DACH2: variants seen among roughly 807,000 people sequenced by gnomAD.
DACH2 encodes the protein dachshund family transcription factor 2.
In DACH2, 17 loss-of-function variants were observed where a neutral mutation model predicts 35.8. The ratio of observed to expected loss-of-function variants is 0.48; its 90% CI spans 0.33 to 0.71. The LOEUF is 0.71. Ranked by LOEUF, DACH2 falls within the 30% of genes least tolerant of loss-of-function variation. The pLI, the probability that DACH2 is intolerant of heterozygous loss-of-function variation, is 0.02. For synonymous variants in DACH2, 195 were observed against 177.3 expected (o/e 1.10, Z -0.79); for missense variants, 469 against 472.7 (o/e 0.99, Z 0.07).
intron 6 of DACH2, among the ~76,000 whole-genome samples, chrX:86,724,308 ATG>A (rs2041441101): frequency 1.4e-5 from 1 of 72,111 alleles, no homozygotes; most frequent in Non-Finnish European, 2.9e-5. Flanking sequence ...ATACTTCCAC[ATG>A]TTTTCGTGAT....
At chrX:86,163,843 T>C (rs771830658) in intron 1 of DACH2, among the ~76,000 whole-genome samples, 1 of 111,606 alleles carries the variant, frequency 9.0e-6, no homozygotes, top group East Asian at 2.8e-4. Flanking sequence ...GGCATGTATG[T>C]TGATTCTATG....
At chrX:86,283,428 T>C (rs939634471) in intron 1 of DACH2, among the ~76,000 whole-genome samples, 2 of 111,147 alleles carry the variant, frequency 1.8e-5, no homozygotes, top group African/African-American at 6.6e-5. Context: ...CAAATGCACA[T>C]GTATGTTTAT....
chrX:86,455,583 G>A (rs768999365), intron 2 of DACH2, among the ~76,000 whole-genome samples: 6 of 112,526 alleles, frequency 5.3e-5, no homozygotes, highest in South Asian at 3.7e-4. Flanking sequence ...AAGCAGCTGC[G>A]CTGCATTGTG....
chrX:86,527,281 A>G (rs1273525791), intron 3 of DACH2, among the ~76,000 whole-genome samples: 1 of 111,852 alleles, frequency 8.9e-6, no homozygotes, highest in Non-Finnish European at 1.9e-5. Flanking sequence ...TTGCTCACCT[A>G]TGAAACCATC....
intron 1 of DACH2, among the ~76,000 whole-genome samples, chrX:86,193,570 A>C (rs958032922): frequency 8.9e-6 from 1 of 112,018 alleles, no homozygotes; most frequent in Non-Finnish European, 1.9e-5. Flanking sequence ...CATAACTGAA[A>C]GCTAGTGTTT....
At chrX:86,698,322 T>G (rs1379298283) in intron 5 of DACH2, among the ~76,000 whole-genome samples, 1 of 108,707 alleles carries the variant, frequency 9.2e-6, no homozygotes, top group Non-Finnish European at 1.9e-5. Flanking sequence ...ATAAAAACTT[T>G]CTCAAACAAA....
At chrX:86,648,381 C>T (rs1364333393) in intron 3 of DACH2, among the ~76,000 whole-genome samples, 1 of 110,947 alleles carries the variant, frequency 9.0e-6, no homozygotes, top group African/African-American at 3.3e-5. Context: ...TTTTATGTAT[C>T]ATTCCAGACC....
chrX:86,294,495 T>G (rs1289124766), intron 1 of DACH2, among the ~76,000 whole-genome samples: 12 of 109,206 alleles, frequency 1.1e-4, no homozygotes, highest in Non-Finnish European at 1.5e-4. Context: ...AGGAGGAGAG[T>G]CGCTCTGCTT....
At chrX:86,335,365 C>T (rs1056701080) in intron 1 of DACH2, among the ~76,000 whole-genome samples, 3 of 111,911 alleles carry the variant, frequency 2.7e-5, no homozygotes, top group Non-Finnish European at 5.6e-5. Context: ...TTTCACAATA[C>T]TGATTCTTCC....
chrX:86,297,069 A>G (rs5968869), intron 1 of DACH2, among the ~76,000 whole-genome samples: 2,071 of 98,876 alleles, frequency 0.021, 60 homozygotes, highest in African/African-American at 0.061. Context: ...ATATATATAT[A>G]TAATTAGAGC....
chrX:86,667,373 G>A (rs147439070), intron 4 of DACH2, among the ~76,000 whole-genome samples: 9,697 of 83,993 alleles, frequency 0.12, 619 homozygotes, highest in East Asian at 0.31. Flanking sequence ...GGGAAGGGAG[G>A]GAGGAAGGAA....
At chrX:86,702,277 A>G (rs1420598390) in intron 5 of DACH2, among the ~76,000 whole-genome samples, 1 of 111,234 alleles carries the variant, frequency 9.0e-6, no homozygotes, top group African/African-American at 3.3e-5. Context: ...AAAGAAAAAT[A>G]GTGTCAAGAG....
At chrX:86,750,679 A>G (rs970577410) in intron 7 of DACH2, among the ~76,000 whole-genome samples, 2 of 112,110 alleles carry the variant, frequency 1.8e-5, no homozygotes, top group Non-Finnish European at 3.8e-5. Flanking sequence ...TATATGTGGA[A>G]TCATGCAGTG....
chrX:86,201,466 C>T (rs1054087284), intron 1 of DACH2, among the ~76,000 whole-genome samples: 4 of 111,211 alleles, frequency 3.6e-5, no homozygotes, highest in Non-Finnish European at 7.6e-5. Context: ...TGATAAATGT[C>T]ATTTTATGCA....
At chrX:86,398,006 A>T (rs944579883) in intron 2 of DACH2, among the ~76,000 whole-genome samples, 1 of 111,784 alleles carries the variant, frequency 8.9e-6, no homozygotes, top group African/African-American at 3.3e-5. Context: ...TTCGGCTGTG[A>T]ATCCATCTGG....
intron 1 of DACH2, among the ~76,000 whole-genome samples, chrX:86,177,295 G>A (rs780479301): frequency 8.1e-5 from 9 of 111,709 alleles, no homozygotes; most frequent in Non-Finnish European, 1.5e-4. Flanking sequence ...GCTTCATAAT[G>A]CATTCAAAGT....
intron 7 of DACH2, among the ~76,000 whole-genome samples, chrX:86,753,766 A>C (rs1290786396): frequency 9.0e-6 from 1 of 111,061 alleles, no homozygotes; most frequent in Non-Finnish European, 1.9e-5. Flanking sequence ...TTTTCTTCAG[A>C]GTAAAGTTGT....
intron 3 of DACH2, among the ~76,000 whole-genome samples, chrX:86,539,021 G>A (rs1402723576): frequency 9.0e-6 from 1 of 110,940 alleles, no homozygotes; most frequent in East Asian, 2.9e-4. Context: ...TATAATGAGT[G>A]CAAAATGGAG....
Position 86,228,458 on chromosome X carries a change from A to G in DACH2, c.488+79350A>G, listed in dbSNP as rs182028741. ...TTTCCTCTGGGTAAAGAGGAAAAAA[A>G]AAAAAGAAAAAAGAAAACCCAGTAG... On this transcript the variant is annotated intron_variant, in intron 1 of 11. Transcript: ENST00000373125. Among the ~76,000 whole-genome samples the G allele has an allele frequency of 4.7e-5, 5 of 105,337 alleles. No homozygotes were observed. In the Admixed American group the frequency reaches 5.0e-4, roughly 10 times the overall value. 91.5% of individuals were successfully genotyped at this position (105,337 alleles called of 115,157 possible).
Sources: allele counts gnomAD v4.1 joint callset (sites outside exome capture counted in the v4.1 genomes callset), GRCh38; gene constraint gnomAD v4.1.1; transcripts MANE v1.5; gene names NCBI Gene and HGNC (gene_info 2026-07-23, HGNC 2026-07-21).